Variants in CADM2 observed in about 807,000 individuals in gnomAD.
The protein encoded by CADM2 is immunoglobulin superfamily member 4D.
Under a neutral mutation model 49.8 loss-of-function variants are expected in CADM2, and 12 were observed. The ratio of observed to expected loss-of-function variants is 0.24; its 90% confidence interval spans 0.15 to 0.39. The LOEUF is 0.39. Ranked by LOEUF, CADM2 falls within the 10% of genes least tolerant of loss-of-function variation. CADM2 has a pLI of 1.00. For missense variants in CADM2, 378 were observed against 492.3 expected, an observed-to-expected ratio of 0.77 and a Z score of 2.20; for synonymous variants, 214 against 175.4, an observed-to-expected ratio of 1.22 and a Z score of -1.74.
intron 1 of CADM2, among the ~76,000 whole-genome samples, chr3:85,512,425 A>G (rs987600369): frequency 6.6e-6 from 1 of 151,906 alleles, no homozygotes; most frequent in African/African-American, 2.4e-5. Flanking sequence ...CGTTGATTTC[A>G]TGTCTTTGTT....
At chr3:85,133,478 T>C (rs1375336167) in intron 1 of CADM2, among the ~76,000 whole-genome samples, 5 of 151,678 alleles carry the variant, frequency 3.3e-5, no homozygotes, top group African/African-American at 4.8e-5. Context: ...ACAGTGTCGA[T>C]TGGTGCATTC....
chr3:85,182,206 C>G (rs1359873813), intron 1 of CADM2, among the ~76,000 whole-genome samples: 1 of 151,972 alleles, frequency 6.6e-6, no homozygotes, highest in Non-Finnish European at 1.5e-5. Context: ...ATTTAACATA[C>G]TACCTTCTCC....
intron 1 of CADM2, among the ~76,000 whole-genome samples, chr3:85,075,885 A>G (rs909431562): frequency 1.3e-5 from 2 of 152,172 alleles, no homozygotes; most frequent in South Asian, 2.1e-4. Context: ...ACTCCATTAG[A>G]TAACAACACT....
At chr3:85,481,298 A>G (rs1211375234) in intron 1 of CADM2, among the ~76,000 whole-genome samples, 2 of 150,760 alleles carry the variant, frequency 1.3e-5, no homozygotes, top group African/African-American at 4.9e-5. Context: ...TGTGTGATCA[A>G]AATAAGTCAA....
intron 3 of CADM2, among the ~76,000 whole-genome samples, chr3:85,834,302 A>G (rs1241424209): frequency 1.3e-5 from 2 of 151,668 alleles, no homozygotes; most frequent in Non-Finnish European, 3.0e-5. Context: ...AATGCAAGCC[A>G]AACACAAATA....
intron 8 of CADM2, among the ~76,000 whole-genome samples, chr3:86,018,744 T>C (rs1435949133): frequency 6.6e-6 from 1 of 152,154 alleles, no homozygotes; most frequent in Non-Finnish European, 1.5e-5. Context: ...TTCTTGTAAA[T>C]TTGTTTGAGT....
chr3:85,841,789 T>C (rs1013826832), intron 3 of CADM2, among the ~76,000 whole-genome samples: 1 of 152,070 alleles, frequency 6.6e-6, no homozygotes, highest in African/African-American at 2.4e-5. Context: ...ATTCTTTGTT[T>C]AATATTTAAT....
At chr3:85,620,213 C>T (rs1339965015) in intron 1 of CADM2, among the ~76,000 whole-genome samples, 1 of 152,062 alleles carries the variant, frequency 6.6e-6, no homozygotes, top group Non-Finnish European at 1.5e-5. Context: ...TTATCTTTGT[C>T]ATTTACTGTT....
chr3:85,531,051 C>T (rs1338424806), intron 1 of CADM2, among the ~76,000 whole-genome samples: 2 of 152,082 alleles, frequency 1.3e-5, no homozygotes, highest in Non-Finnish European at 2.9e-5. Flanking sequence ...TACTCAGTAT[C>T]TGTTGTTTAC....
At chr3:85,461,688 C>A (rs1447374601) in intron 1 of CADM2, among the ~76,000 whole-genome samples, 2 of 152,104 alleles carry the variant, frequency 1.3e-5, no homozygotes, top group South Asian at 2.1e-4. Flanking sequence ...TAACTCCTAA[C>A]CTATTCTAAT....
At chr3:85,776,251 A>G (rs998416304) in intron 2 of CADM2, among the ~76,000 whole-genome samples, 1 of 151,850 alleles carries the variant, frequency 6.6e-6, no homozygotes, top group Non-Finnish European at 1.5e-5. Context: ...TTTAAATGAT[A>G]AAACAGACTT....
chr3:85,531,102 T>G (rs1027768855), intron 1 of CADM2, among the ~76,000 whole-genome samples: 2 of 152,170 alleles, frequency 1.3e-5, no homozygotes, highest in Non-Finnish European at 2.9e-5. Context: ...TTTTTACCTG[T>G]GAACCCGATT....
chr3:85,814,961 T>A (rs1375280530), intron 3 of CADM2, among the ~76,000 whole-genome samples: 1 of 151,922 alleles, frequency 6.6e-6, no homozygotes, highest in African/African-American at 2.4e-5. Context: ...GAGAATACTA[T>A]AAACACCTCT....
At chr3:84,965,070 G>C (rs1475199713) in intron 1 of CADM2, among the ~76,000 whole-genome samples, 1 of 151,850 alleles carries the variant, frequency 6.6e-6, no homozygotes, top group Non-Finnish European at 1.5e-5. Context: ...CTTTACATTA[G>C]ATTAGATCAT....
chr3:85,751,616 C>T (rs141049853), intron 2 of CADM2, among the ~76,000 whole-genome samples: 21 of 152,198 alleles, frequency 1.4e-4, no homozygotes, highest in Non-Finnish European at 2.2e-4. Flanking sequence ...TTCTTTGAGA[C>T]GCTGCAGCAC....
At chr3:85,349,529 G>T (rs938146428) in intron 1 of CADM2, among the ~76,000 whole-genome samples, 4 of 151,940 alleles carry the variant, frequency 2.6e-5, no homozygotes, top group African/African-American at 9.7e-5. Context: ...CTTTCATTTG[G>T]CATTACAGTG....
intron 1 of CADM2, among the ~76,000 whole-genome samples, chr3:85,428,013 T>C (rs949064213): frequency 1.3e-5 from 2 of 151,934 alleles, no homozygotes; most frequent in African/African-American, 4.8e-5. Context: ...ATTTCAACCA[T>C]AGTTAGGTAC....
chr3:85,899,887 T>G (rs577754343), intron 5 of CADM2, among the ~76,000 whole-genome samples: 7 of 152,120 alleles, frequency 4.6e-5, no homozygotes, highest in Non-Finnish European at 8.8e-5. Flanking sequence ...CACTGATTAG[T>G]TCTTAAGCGA....
chr3:85,960,317 C>A lies in CADM2; in HGVS notation c.792-1152C>A, dbSNP rs144850961. Among the ~76,000 whole-genome samples, 686 of 151,948 alleles carry A rather than the reference C, an allele frequency of 4.5e-3. 3 individuals carry two copies. Among genetic ancestry groups the A allele is most frequent in the African/African-American group, 0.016 (653 of 41,512 alleles). The stretch of plus-strand genomic sequence containing the variant: ...TCAGTGCCTCTGTTCTAATTGTGTT[C>A]ACAATAACATAAAATAAATTCAATA... On this transcript the variant is annotated intron_variant, in intron 7 of 9. Transcript: ENST00000383699.
Sources: allele counts gnomAD v4.1 joint callset (sites outside exome capture counted in the v4.1 genomes callset), GRCh38; gene constraint gnomAD v4.1.1; transcripts MANE v1.5; gene names NCBI Gene and HGNC (gene_info 2026-07-23, HGNC 2026-07-21).